Variants in CARMIL3 observed in about 807,000 individuals in gnomAD.
The protein encoded by CARMIL3 is capping protein regulator and myosin 1 linker 3.
In CARMIL3, 88 loss-of-function variants were observed where a neutral mutation model predicts 180.8. The observed-to-expected ratio is 0.49, with a 90% CI of 0.41 to 0.58. The LOEUF (loss-of-function observed/expected upper bound fraction) is 0.58. CARMIL3 is among the 20% of genes least tolerant of loss of function. The pLI is 0.00. For synonymous variants in CARMIL3, 696 were observed against 714.5 expected (o/e 0.97, Z 0.41); for missense variants, 1,548 against 1,787.0 (o/e 0.87, Z 2.41).
At position 24,054,899 on chromosome 14, in the gene CARMIL3, C is replaced by T. The variant is rs533922207; in HGVS notation, c.460+91C>T. 1.2e-4 allele frequency: 173 copies of T among 1,435,724 alleles called. No individual in the cohort carries two copies. The African/African-American group carries it at 2.0e-3, about 17-fold the overall frequency. 88.9% of individuals were successfully genotyped at this position (1,435,724 alleles called of 1,614,324 possible). A position where few individuals can be genotyped will look rare whatever the true frequency, so the allele number is the denominator to read the frequency against. On this transcript the variant is annotated intron_variant, in intron 6 of 39. Transcript: ENST00000342740. This position sits in a 1 kb window ranked among gnomAD's most constrained non-coding sequence, Gnocchi z 5.1. ...GTGCACAGGGTGTTGCCTGGGCGGG[C>T]GGGCTTTGCCTGCCTGAAGGACTCC...
At chr14:24,069,103 T>G (rs776323434) in intron 38 of CARMIL3, 34 bp from the exon 39 acceptor site, 1 of 1,612,122 alleles carries the variant, frequency 6.2e-7, no homozygotes, top group Admixed American at 1.7e-5. Flanking sequence ...TGAGCCCCAC[T>G]CCTGTGTTAG....
At position 24,054,964 on chromosome 14, in the gene CARMIL3, C is replaced by G; in HGVS notation, c.461-102C>G. 6.9e-7 allele frequency: 1 copy of G among 1,446,534 alleles called. No homozygotes were observed. Among genetic ancestry groups the G allele is most frequent in the Non-Finnish European group, 9.6e-7 (1 of 1,039,794 alleles). The allele number at this position is 1,446,534 out of a possible 1,614,324, so 89.6% of individuals were successfully genotyped here. On this transcript the variant is annotated intron_variant, in intron 6 of 39. Transcript: ENST00000342740. The surrounding 1 kb of genome is among the most constrained non-coding windows in gnomAD (Gnocchi z 5.1). ...CAGGAAGTTCATGGCATAGCAAGAACCAAGAGCACTGGCACATAAAGTGAC... is the reference window on the plus strand; with the variant it reads ...CAGGAAGTTCATGGCATAGCAAGAAGCAAGAGCACTGGCACATAAAGTGAC...
chr14:24,052,231 G>T, intron 1 of CARMIL3, 38 bp downstream of exon 1: 1 of 1,557,086 alleles, frequency 6.4e-7, no homozygotes. Flanking sequence ...GCCCCGTCCG[G>T]GAGCATCCCA....
chr14:24,064,222 C>A, intron 31 of CARMIL3, 24 bp from the exon 32 acceptor site: 1 of 1,580,880 alleles, frequency 6.3e-7, no homozygotes, highest in Non-Finnish European at 8.6e-7. Context: ...GATGAGATGT[C>A]CCACGGGACT....
chr14:24,068,274 G>A (rs2035810743), intron 36 of CARMIL3, among the ~76,000 whole-genome samples: 1 of 152,078 alleles, frequency 6.6e-6, no homozygotes, highest in African/African-American at 2.4e-5. Flanking sequence ...GCACGCACCT[G>A]TAGTCCCAGT....
At chr14:24,055,861 T>C in intron 10 of CARMIL3, 72 bp downstream of exon 10, 1 of 1,365,972 alleles carries the variant, frequency 7.3e-7, no homozygotes, top group Non-Finnish European at 1.0e-6. Flanking sequence ...CCTCAGAGCA[T>C]GATGCAGGCC....
At chr14:24,052,304 C>A in intron 1 of CARMIL3, 111 bp downstream of exon 1, 1 of 1,087,102 alleles carries the variant, frequency 9.2e-7, no homozygotes, top group Non-Finnish European at 1.3e-6. Flanking sequence ...TCACCCCATG[C>A]ATCCTGGCTC....
rs2035709671 is a variant in CARMIL3 at position 24,059,514 on chromosome 14, T to C, written c.1799+72T>C. On this transcript the variant is annotated intron_variant, in intron 21 of 39. Transcript: ENST00000342740. The surrounding 1 kb of genome is among the most constrained non-coding windows in gnomAD (Gnocchi z 6.3). ...CCATATGTACATAATCTCCCTGCTT[T>C]CCTTGATGCTCTGGACCCCAGCTTC... 3 of 1,527,398 alleles carry C rather than the reference T, an allele frequency of 2.0e-6. No individual in the cohort carries two copies. In the South Asian group the frequency reaches 3.6e-5, roughly 18 times the overall value. 94.6% of individuals were successfully genotyped at this position (1,527,398 alleles called of 1,614,324 possible). A position where few individuals can be genotyped will look rare whatever the true frequency, so the allele number is the denominator to read the frequency against.
chr14:24,063,580 C>T (rs745661257), intron 31 of CARMIL3, 47 bp downstream of exon 31: 3 of 1,542,560 alleles, frequency 1.9e-6, no homozygotes, highest in Middle Eastern at 1.7e-4. Flanking sequence ...CTCAGTGACA[C>T]CAGAGCCAGG....
rs1442291095 is a variant in CARMIL3 at position 24,065,609 on chromosome 14, G to A, written c.3397-13G>A. 1.3e-6 allele frequency: 2 copies of A among 1,595,812 alleles called. No individual in the cohort carries two copies. The highest frequency in any genetic ancestry group is 3.6e-5 in the Admixed American group (2 of 55,178). ...GACTGGGAACTGCTAATAAATAAGAGACCTTGTTCTAGGGCACTGAGGGGT... is the reference window on the plus strand; with the variant it reads ...GACTGGGAACTGCTAATAAATAAGAAACCTTGTTCTAGGGCACTGAGGGGT... On this transcript the variant is annotated splice_polypyrimidine_tract_variant and intron_variant, in intron 33 of 39. Transcript: ENST00000342740.
In CARMIL3 at chr14:24,069,440, T is replaced by G; in HGVS notation, c.*36T>G. ...AACACCCTCCTCAGCCCTCGACATGTGCCTCGCAAGGACTCAGACCCCTAT... is the reference window on the plus strand; with the variant it reads ...AACACCCTCCTCAGCCCTCGACATGGGCCTCGCAAGGACTCAGACCCCTAT... On this transcript the variant is annotated 3_prime_UTR_variant, in exon 40 of 40. Transcript: ENST00000342740. 1.2e-6 allele frequency: 2 copies of G among 1,613,952 alleles called. No individual in the cohort carries two copies. Among genetic ancestry groups the G allele is most frequent in the Non-Finnish European group, 1.7e-6 (2 of 1,179,942 alleles).
At position 24,056,394 on chromosome 14, in the gene CARMIL3, G is replaced by T; in HGVS notation, c.865+1G>T. The T allele has an allele frequency of 6.2e-7, 1 of 1,612,316 alleles. No homozygotes were observed. The highest frequency in any genetic ancestry group is 8.5e-7 in the Non-Finnish European group (1 of 1,178,850). ...TCCCACAACCCCATCGAGGACAAGG[G>T]TGAGCCCCAGCCCTGAATCCTGTCC... is the stretch of plus-strand genomic sequence containing the variant. On this transcript the variant is annotated splice_donor_variant, in intron 11 of 39. Coordinates refer to ENST00000342740, the MANE Select transcript of CARMIL3 (RefSeq NM_138360.4). LOFTEE classifies it high-confidence loss of function.
In CARMIL3 at chr14:24,062,729, AAGGACGCTGTC is replaced by A; in HGVS notation, c.2592_2602del (p.Thr865SerfsTer21). 4 of 1,611,742 alleles carry A rather than the reference AAGGACGCTGTC, an allele frequency of 2.5e-6. No individual in the cohort carries two copies. Among genetic ancestry groups the A allele is most frequent in the Non-Finnish European group, 3.4e-6 (4 of 1,178,758 alleles). Reference sequence around the variant, plus strand: ...CCCAGGCCCGGCACCTGACCCAGCTAAGGACGCTGTCAGATCCACCAGGGTGCCCAGGCCAA... The same window carrying A: ...CCCAGGCCCGGCACCTGACCCAGCTAAGATCCACCAGGGTGCCCAGGCCAA... On this transcript the variant is annotated frameshift_variant, in exon 29 of 40. Transcript: ENST00000342740. LOFTEE classifies it high-confidence loss of function.
At chr14:24,062,250 T>C in intron 27 of CARMIL3, 1 of 588,758 alleles carries the variant, frequency 1.7e-6, no homozygotes, top group Middle Eastern at 4.5e-4. Flanking sequence ...CGAATTCCTC[T>C]TTCCCCACAC....
Position 24,060,507 on chromosome 14 carries a change from C to A in CARMIL3, c.2062-121C>A, listed in dbSNP as rs948129129. The A allele has an allele frequency of 1.2e-5, 17 of 1,441,814 alleles. 1 individual carries two copies. In the East Asian group the frequency reaches 3.9e-4, roughly 33 times the overall value. 89.3% of individuals were successfully genotyped at this position (1,441,814 alleles called of 1,614,324 possible). A position where few individuals can be genotyped will look rare whatever the true frequency, so the allele number is the denominator to read the frequency against. On this transcript the variant is annotated intron_variant, in intron 24 of 39. Coordinates refer to ENST00000342740, the MANE Select transcript of CARMIL3 (RefSeq NM_138360.4). ...GAAGGCTGTAGCAATGGGGACCAGG[C>A]CAGCCAGAGACATCACCTCCACCAC... is the stretch of plus-strand genomic sequence containing the variant.
chr14:24,058,011 C>T lies in CARMIL3; in HGVS notation c.1269C>T (p.Tyr423=), dbSNP rs4982853. ...TCAAGCAGTTCTTCAGCAGCGCCTA[C>T]ACACTGAGCCACGTCAATCTGTCGG... The part of the protein sequence containing the change: ...PAFKQFFSSA[Y]TLSHVNLSAT... The change falls in exon 16 of 40, where the codon TAC becomes TAT. Residue 423 remains tyrosine (Y), a synonymous_variant. Transcript: ENST00000342740. This position sits in a 1 kb window ranked among gnomAD's most constrained non-coding sequence, Gnocchi z 6.4. 143,542 of 1,613,650 alleles carry T rather than the reference C, an allele frequency of 0.089. 12,155 individuals are homozygous for T. The highest frequency in any genetic ancestry group is 0.46 in the East Asian group (20,629 of 44,858).
Position 24,054,507 on chromosome 14 carries a change from C to G in CARMIL3, c.358C>G (p.Pro120Ala), listed in dbSNP as rs759356086. 1.2e-5 allele frequency: 20 copies of G among 1,610,368 alleles called. No individual in the cohort carries two copies. The highest frequency in any genetic ancestry group is 1.6e-5 in the Non-Finnish European group (19 of 1,179,764). The change falls in exon 5 of 40, where the codon CCT (proline) becomes GCT (alanine). Residue 120 changes from proline to alanine, a missense_variant. Pro to Ala is a conservative substitution (Grantham distance 27). Transcript: ENST00000342740. The surrounding 1 kb of genome is among the most constrained non-coding windows in gnomAD (Gnocchi z 5.1). ...SSALSKVCPGPGCLIRRGNAD... is the reference protein window; with the variant it reads ...SSALSKVCPGAGCLIRRGNAD... ...TGCCCTGTCCAAGGTCTGCCCTGGC[C>G]CTGGGTGAGTGGCAAATAAGGGGTC...
At chr14:24,064,209 C>T in intron 31 of CARMIL3, 37 bp from the exon 32 acceptor site, 1 of 1,507,606 alleles carries the variant, frequency 6.6e-7, no homozygotes, top group Non-Finnish European at 9.1e-7. Flanking sequence ...GCTTCCTGAC[C>T]TAGATGAGAT....
At chr14:24,060,338 C>T in intron 24 of CARMIL3, 83 bp downstream of exon 24, 1 of 1,450,538 alleles carries the variant, frequency 6.9e-7, no homozygotes, top group East Asian at 2.3e-5. Context: ...AGTGGGGGAG[C>T]ATGAAGAGGC....
Sources: gnomAD v4.1 joint callset for allele counts (sites outside exome capture counted in the v4.1 genomes callset) on GRCh38, gnomAD v4.1.1 for gene constraint, Gnocchi (gnomAD v3.1) non-coding constraint, MANE v1.5 for transcripts, NCBI Gene and HGNC (gene_info 2026-07-23, HGNC 2026-07-21) for gene names.